The following ANKRD55 variants were observed in gnomAD, a reference collection of about 807,000 sequenced individuals.
ANKRD55 encodes ankyrin repeat domain 55.
ANKRD55 carries 41 observed loss-of-function variants against 60.6 expected under a neutral mutation model. The observed-to-expected ratio is 0.68, with a 90% confidence interval of 0.53 to 0.88. The LOEUF is 0.88. Ranked by LOEUF, ANKRD55 falls within the 40% of genes least tolerant of loss-of-function variation. The pLI, the probability that ANKRD55 is intolerant of heterozygous loss-of-function variation, is 0.00. For synonymous variants in ANKRD55, 264 were observed against 290.3 expected, an observed-to-expected ratio of 0.91 and a Z score of 0.92; for missense variants, 732 against 767.6, an observed-to-expected ratio of 0.95 and a Z score of 0.55.
chr5:56,128,078 T>C (rs1430746828), intron 7 of ANKRD55, among the ~76,000 whole-genome samples: 1 of 152,212 alleles, frequency 6.6e-6, no homozygotes, highest in Non-Finnish European at 1.5e-5. Flanking sequence ...TAGTTAGACA[T>C]ACATCGAAGG....
At chr5:56,149,843 CTTTT>C (rs763644589) in intron 6 of ANKRD55, among the ~76,000 whole-genome samples, 2 of 140,354 alleles carry the variant, frequency 1.4e-5, no homozygotes, top group Admixed American at 7.1e-5. Flanking sequence ...TCACTAACTT[CTTTT>C]TTTTTTTTTT....
intron 11 of ANKRD55, among the ~76,000 whole-genome samples, chr5:56,100,866 G>A (rs1311332532): frequency 6.6e-6 from 1 of 152,154 alleles, no homozygotes; most frequent in Non-Finnish European, 1.5e-5. Flanking sequence ...AGACTGAGTG[G>A]CTCTTTCCTT....
At chr5:56,134,505 G>T in intron 7 of ANKRD55, among the ~76,000 whole-genome samples, 1 of 118,720 alleles carries the variant, frequency 8.4e-6, no homozygotes, top group African/African-American at 2.8e-5. Flanking sequence ...CTTGAACCCG[G>T]GAGTTGGAGG....
At chr5:56,126,159 A>T (rs1395413366) in intron 8 of ANKRD55, among the ~76,000 whole-genome samples, 2 of 152,104 alleles carry the variant, frequency 1.3e-5, no homozygotes, top group East Asian at 3.9e-4. Context: ...ATAAAATAAA[A>T]TAAAATAAAA....
chr5:56,133,740 T>TA lies in ANKRD55; in HGVS notation c.613-6635dup, dbSNP rs1183991018. On this transcript the variant is annotated intron_variant, in intron 7 of 11. Transcript: ENST00000341048. ...CAAAAGAAGAAATTGCAAGATAAAT[T>TA]AAAAAAATACTTTGAACAAAAGGAA... 2.6e-5 allele frequency among the ~76,000 whole-genome samples: 3 copies of TA among 113,632 alleles called. 1 individual carries two copies. Among genetic ancestry groups the TA allele is most frequent in the Non-Finnish European group, 6.2e-5 (3 of 48,236 alleles). The allele number at this position is 113,632 out of a possible 152,430, so 74.5% of individuals were successfully genotyped here.
intron 2 of ANKRD55, among the ~76,000 whole-genome samples, chr5:56,206,649 C>T (rs3905656): frequency 0.086 from 13,142 of 152,124 alleles, 713 homozygotes; most frequent in East Asian, 0.2. Flanking sequence ...TCCATCCCTC[C>T]CACAACCCCC....
At chr5:56,214,027 C>T (rs1257944328) in intron 2 of ANKRD55, among the ~76,000 whole-genome samples, 3 of 152,258 alleles carry the variant, frequency 2.0e-5, no homozygotes, top group African/African-American at 7.2e-5. Flanking sequence ...AGAGGCACAT[C>T]TTACATGGTG....
chr5:56,171,694 G>A lies in ANKRD55; in HGVS notation c.313-891C>T, dbSNP rs553628482. On this transcript the variant is annotated intron_variant, in intron 4 of 11. Transcript: ENST00000341048. ...AAATTATTATTATGAAGAATAATAG[G>A]ATAACCCTCTATTTTGTTCAGAAGC... Among the ~76,000 whole-genome samples the A allele has an allele frequency of 3.3e-5, 5 of 152,214 alleles. No homozygotes were observed. The South Asian group carries it at 1.0e-3, about 32-fold the overall frequency.
chr5:56,163,251 T>C (rs1273989584), intron 5 of ANKRD55, among the ~76,000 whole-genome samples: 1 of 152,186 alleles, frequency 6.6e-6, no homozygotes, highest in African/African-American at 2.4e-5. Flanking sequence ...AAGACCACCA[T>C]ACAGTGGCTC....
intron 3 of ANKRD55, 138 bp downstream of exon 3, chr5:56,183,374 G>A (rs1581007209): frequency 1.8e-6 from 2 of 1,108,250 alleles, no homozygotes; most frequent in South Asian, 1.7e-5. Flanking sequence ...ATTATAAGAG[G>A]CGATGTGGTA....
chr5:56,193,465 T>C lies in ANKRD55; in HGVS notation c.59-9831A>G. The C allele has an allele frequency of 6.0e-6, 3 of 497,724 alleles. No individual in the cohort carries two copies. In the South Asian group the frequency reaches 6.7e-5, roughly 11 times the overall value. 30.8% of individuals were successfully genotyped at this position (497,724 alleles called of 1,614,324 possible). ...TGGTTGCTGTTCCGATCTTGCAGTT[T>C]CTTTTCACTATGTTGATTTTACAAC... On this transcript the variant is annotated intron_variant, in intron 2 of 11. Transcript: ENST00000341048.
intron 6 of ANKRD55, among the ~76,000 whole-genome samples, chr5:56,150,977 T>C (rs1758027010): frequency 6.6e-6 from 1 of 152,264 alleles, no homozygotes; most frequent in Non-Finnish European, 1.5e-5. Context: ...ATATGTTTCA[T>C]TTTCTGTAAT....
At chr5:56,207,358 G>A (rs1759537543) in intron 2 of ANKRD55, among the ~76,000 whole-genome samples, 1 of 152,172 alleles carries the variant, frequency 6.6e-6, no homozygotes, top group Non-Finnish European at 1.5e-5. Flanking sequence ...ACCACCAACT[G>A]TTCTGAGCAC....
At chr5:56,199,626 C>T (rs904370072) in intron 2 of ANKRD55, among the ~76,000 whole-genome samples, 2 of 151,132 alleles carry the variant, frequency 1.3e-5, no homozygotes, top group Non-Finnish European at 2.9e-5. Context: ...TTTGGTGGCT[C>T]ACGCCTGTAA....
intron 4 of ANKRD55, among the ~76,000 whole-genome samples, chr5:56,175,206 A>G (rs1157100784): frequency 1.3e-5 from 2 of 152,236 alleles, no homozygotes; most frequent in East Asian, 3.8e-4. Context: ...ATGATAGGTC[A>G]TGGCAGAAAG....
chr5:56,184,769 G>T (rs1366397971), intron 2 of ANKRD55, among the ~76,000 whole-genome samples: 1 of 151,950 alleles, frequency 6.6e-6, no homozygotes, highest in Non-Finnish European at 1.5e-5. Flanking sequence ...ATTGTGGTGG[G>T]TACCTGTAGT....
chr5:56,104,504 G>C (rs950247248), intron 10 of ANKRD55, among the ~76,000 whole-genome samples: 2 of 152,130 alleles, frequency 1.3e-5, no homozygotes, highest in African/African-American at 4.8e-5. Flanking sequence ...TCAGGGACAG[G>C]GTGGAGCCGT....
intron 2 of ANKRD55, among the ~76,000 whole-genome samples, chr5:56,205,576 A>G (rs1288778031): frequency 6.6e-6 from 1 of 152,110 alleles, no homozygotes; most frequent in Non-Finnish European, 1.5e-5. Flanking sequence ...TAGAAGGTTG[A>G]TCTCTAAGTT....
chr5:56,230,373 G>A (rs774043285), intron 2 of ANKRD55, among the ~76,000 whole-genome samples: 10 of 152,306 alleles, frequency 6.6e-5, no homozygotes, highest in East Asian at 1.9e-4. Context: ...GATTACAGGC[G>A]TGAGCCTTGC....
Sources: allele counts gnomAD v4.1 joint callset (sites outside exome capture counted in the v4.1 genomes callset), GRCh38; gene constraint gnomAD v4.1.1; transcripts MANE v1.5; gene names NCBI Gene and HGNC (gene_info 2026-07-23, HGNC 2026-07-21).